ST18: variants seen among roughly 807,000 people sequenced by gnomAD.
ST18 encodes the protein ST18 C2H2C-type zinc finger transcription factor.
Under a neutral mutation model 110.0 loss-of-function variants are expected in ST18, and 50 were observed. The ratio of observed to expected loss-of-function variants is 0.45; its 90% confidence interval spans 0.36 to 0.58. The LOEUF is 0.58. Among genes scored for constraint, ST18 ranks in the 20% least tolerant of loss-of-function variants. ST18 has a pLI of 0.00. For synonymous variants in ST18, 461 were observed against 452.4 expected, an observed-to-expected ratio of 1.02 and a Z score of -0.24; for missense variants, 1,306 against 1,280.1, an observed-to-expected ratio of 1.02 and a Z score of -0.31.
At chr8:52,254,946 A>G (rs1214798166) in intron 2 of ST18, among the ~76,000 whole-genome samples, 1 of 152,194 alleles carries the variant, frequency 6.6e-6, no homozygotes, top group Non-Finnish European at 1.5e-5. Flanking sequence ...CGAATTAGAC[A>G]GGCACAGATA....
chr8:52,242,946 A>G (rs575190182), intron 2 of ST18, among the ~76,000 whole-genome samples: 3 of 152,264 alleles, frequency 2.0e-5, no homozygotes, highest in African/African-American at 7.2e-5. Context: ...TTATTGGACA[A>G]AAATGTTTTC....
chr8:52,141,119 A>G (rs1164432109), intron 17 of ST18, among the ~76,000 whole-genome samples: 1 of 152,204 alleles, frequency 6.6e-6, no homozygotes, highest in Non-Finnish European at 1.5e-5. Context: ...GTGGACATCA[A>G]GTTTACAAGG....
Position 52,323,751 on chromosome 8 carries a change from T to A in ST18, c.-465+85577A>T, listed in dbSNP as rs143551734. 1.1e-4 allele frequency among the ~76,000 whole-genome samples: 17 copies of A among 152,214 alleles called. No individual in the cohort carries two copies. In the East Asian group the frequency reaches 3.1e-3, roughly 28 times the overall value. ...TGGGCGAGGGGGAGGCTGGGTGGGG[T>A]GGCAGTGTATGGTTTGCTCCCACAC... On this transcript the variant is annotated intron_variant, in intron 2 of 25. Coordinates refer to ENST00000689386, the MANE Select transcript of ST18 (RefSeq NM_001352837.2).
At chr8:52,254,948 G>T (rs1237768656) in intron 2 of ST18, among the ~76,000 whole-genome samples, 3 of 152,132 alleles carry the variant, frequency 2.0e-5, no homozygotes, top group African/African-American at 2.4e-5. Flanking sequence ...AATTAGACAG[G>T]CACAGATACT....
rs574906716 is a variant in ST18, at chr8:52,280,447, A to G, written c.-464-50370T>C. 2.6e-5 allele frequency among the ~76,000 whole-genome samples: 4 copies of G among 152,144 alleles called. No homozygotes were observed. The South Asian group carries it at 8.3e-4, about 32-fold the overall frequency. ...ATATTACATATTTATATTATGCATG[A>G]CATGTATATACACTTGTGTTTATAT... On this transcript the variant is annotated intron_variant, in intron 2 of 25. Coordinates refer to ENST00000689386, the MANE Select transcript of ST18 (RefSeq NM_001352837.2).
rs2060720792 is a variant in ST18, at chr8:52,159,006, A to G, written c.1698T>C (p.Cys566=). The G allele has an allele frequency of 6.2e-7, 1 of 1,614,100 alleles. No individual in the cohort carries two copies. Among genetic ancestry groups the G allele is most frequent in the Non-Finnish European group, 8.5e-7 (1 of 1,179,996 alleles). ...GRASSYSYGQ[C]SEDTHIAAAA... Reference sequence around the variant, plus strand: ...CTGCTGCTATGTGGGTGTCTTCACTACATTGACCGTAGCTATAAGAGCTGG... The same window carrying G: ...CTGCTGCTATGTGGGTGTCTTCACTGCATTGACCGTAGCTATAAGAGCTGG... Residue 566 remains cysteine, a synonymous_variant, in exon 15 of 26, where the codon TGT becomes TGC. Coordinates refer to ENST00000689386, the MANE Select transcript of ST18 (RefSeq NM_001352837.2).
intron 2 of ST18, among the ~76,000 whole-genome samples, chr8:52,321,409 C>T (rs1394599742): frequency 1.3e-5 from 2 of 152,144 alleles, no homozygotes; most frequent in Non-Finnish European, 2.9e-5. Flanking sequence ...TTGACAATGA[C>T]CAGGAAGCAT....
intron 2 of ST18, among the ~76,000 whole-genome samples, chr8:52,289,541 G>C (rs1254252535): frequency 1.3e-5 from 2 of 152,146 alleles, no homozygotes; most frequent in Non-Finnish European, 2.9e-5. Context: ...TCAGGAAGCG[G>C]GAAGTTTTGC....
At chr8:52,342,375 A>AT (rs78203478) in intron 2 of ST18, among the ~76,000 whole-genome samples, 1 of 152,124 alleles carries the variant, frequency 6.6e-6, no homozygotes, top group Non-Finnish European at 1.5e-5. Context: ...TATAACTCTC[A>AT]CCCCCAAATA....
intron 8 of ST18, among the ~76,000 whole-genome samples, chr8:52,186,293 C>A (rs573255054): frequency 6.6e-6 from 1 of 152,334 alleles, no homozygotes; most frequent in East Asian, 1.9e-4. Context: ...CACAAAAGAA[C>A]TTTTGGCTGA....
At chr8:52,211,791 G>A (rs1386794597) in intron 8 of ST18, among the ~76,000 whole-genome samples, 1 of 152,144 alleles carries the variant, frequency 6.6e-6, no homozygotes, top group Non-Finnish European at 1.5e-5. Context: ...CATGCAAGGT[G>A]TGCACAAAGG....
chr8:52,164,438 ACTTAT>A (rs1489906249), intron 12 of ST18, among the ~76,000 whole-genome samples: 1 of 152,222 alleles, frequency 6.6e-6, no homozygotes, highest in Non-Finnish European at 1.5e-5. Flanking sequence ...TAACTCCTTG[ACTTAT>A]CTTAGCATCT....
intron 8 of ST18, among the ~76,000 whole-genome samples, chr8:52,209,796 T>TAC (rs1421775769): frequency 7.0e-6 from 1 of 142,244 alleles, no homozygotes. Flanking sequence ...AAAATATATA[T>TAC]ATATATATAT....
chr8:52,211,456 G>A (rs1203308025), intron 8 of ST18, among the ~76,000 whole-genome samples: 1 of 150,632 alleles, frequency 6.6e-6, no homozygotes, highest in Non-Finnish European at 1.5e-5. Flanking sequence ...ACCCAGGCTG[G>A]AGTGCAGTTG....
intron 2 of ST18, among the ~76,000 whole-genome samples, chr8:52,381,879 A>G (rs1003249493): frequency 2.6e-5 from 4 of 152,066 alleles, no homozygotes; most frequent in African/African-American, 9.7e-5. Context: ...AATGCTCACT[A>G]ATCTTGCTTT....
chr8:52,116,219 A>C, intron 25 of ST18, 56 bp downstream of exon 25: 3 of 1,581,664 alleles, frequency 1.9e-6, no homozygotes, highest in Non-Finnish European at 2.6e-6. Flanking sequence ...GGGTAGATGC[A>C]TGATGACACT....
chr8:52,282,488 G>A (rs1171637445), intron 2 of ST18, among the ~76,000 whole-genome samples: 1 of 152,152 alleles, frequency 6.6e-6, no homozygotes, highest in Non-Finnish European at 1.5e-5. Context: ...GGGGACCTCT[G>A]AGGGCCTTTG....
At chr8:52,228,300 A>G (rs777329321) in intron 3 of ST18, among the ~76,000 whole-genome samples, 2 of 152,228 alleles carry the variant, frequency 1.3e-5, no homozygotes, top group Non-Finnish European at 2.9e-5. Context: ...AATAGAAATA[A>G]TAGTCATATT....
At chr8:52,134,845 T>C (rs971355724) in intron 19 of ST18, among the ~76,000 whole-genome samples, 1 of 152,212 alleles carries the variant, frequency 6.6e-6, no homozygotes, top group African/African-American at 2.4e-5. Flanking sequence ...GCATTCTCCA[T>C]GAATATCTAA....
Sources: allele counts gnomAD v4.1 joint callset (sites outside exome capture counted in the v4.1 genomes callset), GRCh38; gene constraint gnomAD v4.1.1; transcripts MANE v1.5; gene names NCBI Gene and HGNC (gene_info 2026-07-23, HGNC 2026-07-21).